UBN2: variants seen among roughly 807,000 people sequenced by gnomAD.
UBN2 encodes ubinuclein 2.
UBN2 carries 35 observed loss-of-function variants against 120.2 expected under a neutral mutation model. The observed-to-expected ratio is 0.29, with a 90% CI of 0.22 to 0.39. The LOEUF (loss-of-function observed/expected upper bound fraction) is 0.39, where lower values mean the gene tolerates loss of function less well. Ranked by LOEUF, UBN2 falls within the 10% of genes least tolerant of loss-of-function variation. The probability of loss-of-function intolerance (pLI) is 1.00; values close to 1 mark genes in which losing one functional copy is unlikely to be tolerated. For missense variants in UBN2, 1,693 were observed against 1,663.2 expected (o/e 1.02, Z -0.31); for synonymous variants, 661 against 648.7 (o/e 1.02, Z -0.29).
At chr7:139,255,225 T>G (rs934777807) in intron 3 of UBN2, among the ~76,000 whole-genome samples, 1 of 152,214 alleles carries the variant, frequency 6.6e-6, no homozygotes, top group Non-Finnish European at 1.5e-5. Context: ...AAATAGCATT[T>G]TTAATATCTC....
Position 139,251,905 on chromosome 7 carries a change from T to C in UBN2, c.562-51T>C, listed in dbSNP as rs575758148. 5.8e-6 allele frequency: 9 copies of C among 1,556,430 alleles called. No individual in the cohort carries two copies. The African/African-American group carries it at 9.5e-5, about 16-fold the overall frequency. ...TCTTCTAACAGGTCTTTTTAAACTT[T>C]ATGGAAACAGCATGAGTACCAAATC... On this transcript the variant is annotated intron_variant, in intron 2 of 17. Transcript: ENST00000473989.
chr7:139,325,408 C>T, the UBN2 span, among the ~76,000 whole-genome samples: 1 of 151,738 alleles, frequency 6.6e-6, no homozygotes, highest in Non-Finnish European at 1.5e-5. Context: ...GCTGGGATTA[C>T]AGGTGCCCAC....
intron 2 of UBN2, among the ~76,000 whole-genome samples, chr7:139,245,261 C>T (rs999539946): frequency 6.6e-6 from 1 of 152,052 alleles, no homozygotes; most frequent in Non-Finnish European, 1.5e-5. Flanking sequence ...TCTTCAATGG[C>T]TATTAACATT....
At chr7:139,322,666 C>A in the UBN2 span, among the ~76,000 whole-genome samples, 1 of 141,648 alleles carries the variant, frequency 7.1e-6, no homozygotes, top group Non-Finnish European at 1.5e-5. Context: ...TGTCACCAGG[C>A]TGGAGTGCAG....
chr7:139,296,211 G>C (rs1697643582), intron 17 of UBN2, among the ~76,000 whole-genome samples: 8 of 152,222 alleles, frequency 5.3e-5, no homozygotes, highest in Admixed American at 5.2e-4. Flanking sequence ...ACAAAGGTCA[G>C]TAAAATTTTT....
intron 12 of UBN2, among the ~76,000 whole-genome samples, chr7:139,278,653 A>G (rs1797517808): frequency 6.6e-6 from 1 of 152,118 alleles, no homozygotes; most frequent in Non-Finnish European, 1.5e-5. Context: ...TGTTGCCTAA[A>G]TGAAGTTGTA....
intron 3 of UBN2, among the ~76,000 whole-genome samples, chr7:139,252,269 A>G (rs1383359882): frequency 6.6e-6 from 1 of 150,904 alleles, no homozygotes; most frequent in Non-Finnish European, 1.5e-5. Context: ...TCTGTGGTGA[A>G]TTGTTATTAC....
At chr7:139,260,196 T>C (rs934093667) in intron 5 of UBN2, among the ~76,000 whole-genome samples, 1 of 152,026 alleles carries the variant, frequency 6.6e-6, no homozygotes, top group African/African-American at 2.4e-5. Flanking sequence ...CCTCCTGGGA[T>C]CAAGGGATCC....
In UBN2 at chr7:139,261,316, C is replaced by G. The variant is rs759382870; in HGVS notation, c.970C>G (p.Leu324Val). 5 of 1,613,998 alleles carry G rather than the reference C, an allele frequency of 3.1e-6. No homozygotes were observed. Among genetic ancestry groups the G allele is most frequent in the Admixed American group, 3.3e-5 (2 of 59,950 alleles). ...KKKRYKDSLS[L>V]AAMIRKFQKE... The stretch of plus-strand genomic sequence containing the variant: ...GAAACGTTATAAAGATTCTCTTTCT[C>G]TAGCTGCCATGATTAGAAAATTCCA... The change falls in exon 6 of 18, where the codon CTA becomes GTA. Residue 324 changes from leucine to valine, a missense_variant. By Grantham distance (32) the Leu-to-Val change is conservative (BLOSUM62 1). Around this residue, in one of 5 missense-constraint regions of UBN2, gnomAD observed 663 missense variants for 591.2 expected, o/e 1.12. Coordinates refer to ENST00000473989, the MANE Select transcript of UBN2 (RefSeq NM_173569.4).
the UBN2 span, among the ~76,000 whole-genome samples, chr7:139,317,203 G>A: frequency 6.6e-6 from 1 of 151,472 alleles, no homozygotes; most frequent in African/African-American, 2.4e-5. Context: ...TATTATTTGA[G>A]ATAGAGTCTT....
rs570569596 is a variant in UBN2 at position 139,264,588 on chromosome 7, T to G, written c.1396-1745T>G. ...ACCTACACTATTTTTGTTTGTTTGT[T>G]TTGAAATGGAGTCTTGCTCTGTCCC... On this transcript the variant is annotated intron_variant, in intron 6 of 17. Transcript: ENST00000473989. 2.6e-5 allele frequency among the ~76,000 whole-genome samples: 4 copies of G among 152,240 alleles called. No homozygotes were observed. The South Asian group carries it at 8.3e-4, about 32-fold the overall frequency.
chr7:139,299,265 T>C lies in UBN2; in HGVS notation c.*1429T>C, dbSNP rs1224406335. The stretch of plus-strand genomic sequence containing the variant: ...ATCAGAGAATGGTGTAAACTCTAAA[T>C]GGTATAAGCTTCATCCATTTATAAT... On this transcript the variant is annotated 3_prime_UTR_variant, in exon 18 of 18. Transcript: ENST00000473989. 1 of 152,188 alleles carries C rather than the reference T, an allele frequency of 6.6e-6. No homozygotes were observed. Among genetic ancestry groups the C allele is most frequent in the East Asian group, 1.9e-4 (1 of 5,200 alleles). The allele number at this position is 152,188 out of a possible 1,614,324, so 9.4% of individuals were successfully genotyped here.
Position 139,303,732 on chromosome 7 carries a change from T to C in UBN2, c.*5896T>C, listed in dbSNP as rs1798310523. The C allele has an allele frequency of 6.6e-6, 1 of 152,204 alleles. No homozygotes were observed. The highest frequency in any genetic ancestry group is 2.4e-5 in the African/African-American group (1 of 41,460). 9.4% of individuals were successfully genotyped at this position (152,204 alleles called of 1,614,324 possible). ...AAAAATGTTTTCCTTATAATGAGTA[T>C]AAAAAGCACCCTATGGTTTTTAAAT... On this transcript the variant is annotated 3_prime_UTR_variant, in exon 18 of 18. Transcript: ENST00000473989.
intron 15 of UBN2, among the ~76,000 whole-genome samples, chr7:139,286,846 T>C (rs1797804847): frequency 6.6e-6 from 1 of 152,178 alleles, no homozygotes; most frequent in Non-Finnish European, 1.5e-5. Context: ...CAATATAGTC[T>C]AAGGGTTGAT....
At chr7:139,316,701 C>T in the UBN2 span, among the ~76,000 whole-genome samples, 6 of 151,924 alleles carry the variant, frequency 3.9e-5, no homozygotes, top group Admixed American at 6.6e-5. Context: ...CAGAGAATCA[C>T]GCCACTGCAC....
intron 15 of UBN2, among the ~76,000 whole-genome samples, chr7:139,290,161 C>T (rs1253732975): frequency 6.6e-6 from 1 of 152,042 alleles, no homozygotes; most frequent in African/African-American, 2.4e-5. Context: ...GTTTCGAATT[C>T]CTGATCTCAT....
chr7:139,286,812 T>C (rs997587246), intron 15 of UBN2, among the ~76,000 whole-genome samples: 1 of 152,208 alleles, frequency 6.6e-6, no homozygotes, highest in Non-Finnish European at 1.5e-5. Context: ...TTCCCCTTGC[T>C]GTATGTCAAG....
intron 13 of UBN2, among the ~76,000 whole-genome samples, chr7:139,280,232 A>G (rs1797566098): frequency 6.6e-6 from 1 of 152,264 alleles, no homozygotes; most frequent in South Asian, 2.1e-4. Context: ...AGTAGGAACA[A>G]TAAACAGCAG....
intron 15 of UBN2, among the ~76,000 whole-genome samples, chr7:139,288,485 G>A (rs1797852695): frequency 1.3e-5 from 2 of 152,166 alleles, no homozygotes; most frequent in Admixed American, 1.3e-4. Context: ...CATGGGGAGA[G>A]AGTGGTAGGT....
Sources: allele counts gnomAD v4.1 joint callset (sites outside exome capture counted in the v4.1 genomes callset), GRCh38; gene constraint gnomAD v4.1.1; regional missense constraint gnomAD v4.1.1; transcripts MANE v1.5; gene names NCBI Gene and HGNC (gene_info 2026-07-23, HGNC 2026-07-21).